The following TENM2 variants were observed in gnomAD, a reference collection of about 807,000 sequenced individuals.
The protein encoded by TENM2 is teneurin-2.
A neutral mutation model predicts 245.2 loss-of-function variants in TENM2; 52 were observed. The ratio of observed to expected loss-of-function variants is 0.21; its 90% CI spans 0.17 to 0.27. The LOEUF is 0.27. Among genes scored for constraint, TENM2 ranks in the 10% least tolerant of loss-of-function variants. The probability of loss-of-function intolerance (pLI) is 1.00; values close to 1 mark genes in which losing one functional copy is unlikely to be tolerated. For missense variants in TENM2, 3,046 were observed against 3,666.8 expected, an observed-to-expected ratio of 0.83 and a Z score of 4.37; for synonymous variants, 1,363 against 1,438.9, an observed-to-expected ratio of 0.95 and a Z score of 1.19.
At chr5:168,157,643 G>A (rs1039327173) in intron 12 of TENM2, among the ~76,000 whole-genome samples, 3 of 152,074 alleles carry the variant, frequency 2.0e-5, no homozygotes, top group Admixed American at 1.3e-4. Context: ...TAGGAGAGGA[G>A]GGGAACAATT....
At chr5:167,438,515 C>T (rs979933268) in intron 2 of TENM2, among the ~76,000 whole-genome samples, 1 of 152,060 alleles carries the variant, frequency 6.6e-6, no homozygotes, top group Non-Finnish European at 1.5e-5. Flanking sequence ...CCTCAGCCTC[C>T]CAAGTAGCTG....
the TENM2 span, among the ~76,000 whole-genome samples, chr5:166,990,550 A>T: frequency 1.3e-5 from 2 of 152,184 alleles, no homozygotes; most frequent in Non-Finnish European, 2.9e-5. Context: ...GTCTCATTTA[A>T]TGCAGTTCCA....
the TENM2 span, among the ~76,000 whole-genome samples, chr5:167,256,231 C>T: frequency 1.3e-5 from 2 of 152,098 alleles, no homozygotes; most frequent in African/African-American, 2.4e-5. Flanking sequence ...TTTTGGGATT[C>T]CCATAGTCCC....
intron 2 of TENM2, among the ~76,000 whole-genome samples, chr5:167,713,791 T>C (rs926351206): frequency 1.3e-5 from 2 of 152,236 alleles, no homozygotes; most frequent in Non-Finnish European, 2.9e-5. Context: ...GTAGACCTGA[T>C]GCCCTTTTTC....
rs1760125669 is a variant in TENM2, at chr5:168,183,635, C to A, written c.2570-6702C>A. Among the ~76,000 whole-genome samples, 5 of 152,178 alleles carry A rather than the reference C, an allele frequency of 3.3e-5. No homozygotes were observed. The South Asian group carries it at 1.0e-3, about 32-fold the overall frequency. Reference sequence around the variant, plus strand: ...AACAACCAGATTTCATCTTTCTTGCCCCAACTTATTGCTTCTTCCCTCCTT... The same window carrying A: ...AACAACCAGATTTCATCTTTCTTGCACCAACTTATTGCTTCTTCCCTCCTT... On this transcript the variant is annotated intron_variant, in intron 13 of 28. Transcript: ENST00000518659.
At chr5:167,080,512 C>T in the TENM2 span, among the ~76,000 whole-genome samples, 1 of 152,130 alleles carries the variant, frequency 6.6e-6, no homozygotes, top group Non-Finnish European at 1.5e-5. Flanking sequence ...CACCTTGGCA[C>T]TGTGTGGTTG....
chr5:167,605,026 G>A (rs972217518), intron 2 of TENM2, among the ~76,000 whole-genome samples: 4 of 152,184 alleles, frequency 2.6e-5, no homozygotes, highest in Admixed American at 1.3e-4. Context: ...GAGGCAAGGT[G>A]TGTTTCTTGA....
chr5:167,609,383 T>A (rs931404093), intron 2 of TENM2, among the ~76,000 whole-genome samples: 1 of 151,364 alleles, frequency 6.6e-6, no homozygotes, highest in African/African-American at 2.4e-5. Context: ...GGGCCACGCA[T>A]GGCTGCTTCA....
chr5:168,004,826 G>A (rs1194740458), intron 5 of TENM2, among the ~76,000 whole-genome samples: 2 of 135,368 alleles, frequency 1.5e-5, no homozygotes, highest in African/African-American at 2.8e-5. Flanking sequence ...GCTCTGTCAC[G>A]GTTAATTTTT....
intron 1 of TENM2, among the ~76,000 whole-genome samples, chr5:167,332,084 G>C (rs1185744707): frequency 1.3e-5 from 2 of 152,060 alleles, no homozygotes; most frequent in Non-Finnish European, 2.9e-5. Flanking sequence ...TATATTCCCA[G>C]CATGAAATAA....
chr5:167,673,364 C>T (rs1009493129), intron 2 of TENM2, among the ~76,000 whole-genome samples: 4 of 151,952 alleles, frequency 2.6e-5, no homozygotes, highest in African/African-American at 9.7e-5. Flanking sequence ...CCGTTTTGAC[C>T]TGACCCCTAT....
At chr5:167,372,882 A>G (rs1760520226) in intron 1 of TENM2, among the ~76,000 whole-genome samples, 1 of 152,246 alleles carries the variant, frequency 6.6e-6, no homozygotes, top group African/African-American at 2.4e-5. Flanking sequence ...TAGACTACTG[A>G]GACTGAAATA....
At chr5:167,958,422 C>T (rs1398424880) in intron 4 of TENM2, among the ~76,000 whole-genome samples, 1 of 152,118 alleles carries the variant, frequency 6.6e-6, no homozygotes, top group Admixed American at 6.5e-5. Context: ...TGGGTCTTGA[C>T]TCTTTATCCA....
chr5:167,786,484 C>A (rs191522815), intron 2 of TENM2, among the ~76,000 whole-genome samples: 289 of 152,324 alleles, frequency 1.9e-3, no homozygotes, highest in Non-Finnish European at 3.6e-3. Flanking sequence ...ACCAAATTGT[C>A]CTAGAGCTTC....
At chr5:168,014,841 G>A (rs1785527695) in intron 5 of TENM2, among the ~76,000 whole-genome samples, 1 of 152,172 alleles carries the variant, frequency 6.6e-6, no homozygotes, top group African/African-American at 2.4e-5. Flanking sequence ...GACAGCCCCA[G>A]AGATGAAGAA....
intron 2 of TENM2, among the ~76,000 whole-genome samples, chr5:167,831,178 G>C (rs1282238447): frequency 6.6e-6 from 1 of 151,942 alleles, no homozygotes; most frequent in African/African-American, 2.4e-5. Flanking sequence ...CCTCTGATTA[G>C]TAGGAATGGC....
intron 2 of TENM2, among the ~76,000 whole-genome samples, chr5:167,623,081 C>T (rs1044527421): frequency 6.6e-6 from 1 of 152,070 alleles, no homozygotes; most frequent in African/African-American, 2.4e-5. Context: ...TGCAGTAAGA[C>T]ATTGTATAAG....
intron 2 of TENM2, among the ~76,000 whole-genome samples, chr5:167,440,342 G>C (rs953978087): frequency 1.3e-5 from 2 of 152,180 alleles, no homozygotes; most frequent in Non-Finnish European, 2.9e-5. Context: ...CTAATGGAGA[G>C]ATGGCTAATA....
chr5:168,116,552 C>T (rs1795096741), intron 9 of TENM2, among the ~76,000 whole-genome samples: 1 of 152,162 alleles, frequency 6.6e-6, no homozygotes, highest in South Asian at 2.1e-4. Flanking sequence ...CCGCAACCCC[C>T]CACCACTGGG....
Sources: gnomAD v4.1 joint callset for allele counts (sites outside exome capture counted in the v4.1 genomes callset) on GRCh38, gnomAD v4.1.1 for gene constraint, MANE v1.5 for transcripts, NCBI Gene and HGNC (gene_info 2026-07-23, HGNC 2026-07-21) for gene names.